BANP: variants seen among roughly 807,000 people sequenced by gnomAD.
BANP encodes the protein BTG3 associated nuclear protein.
BANP carries 11 observed loss-of-function variants against 68.1 expected under a neutral mutation model. That is an observed-to-expected ratio of 0.16 (90% CI 0.10 to 0.27). BANP has a LOEUF of 0.27. Ranked by LOEUF, BANP falls within the 10% of genes least tolerant of loss-of-function variation. The pLI is 1.00. For synonymous variants in BANP, 329 were observed against 303.2 expected, an observed-to-expected ratio of 1.09 and a Z score of -0.88; for missense variants, 504 against 722.7, an observed-to-expected ratio of 0.70 and a Z score of 3.47.
intron 1 of BANP, among the ~76,000 whole-genome samples, chr16:87,967,875 C>G (rs570429445): frequency 6.6e-6 from 1 of 152,012 alleles, no homozygotes; most frequent in African/African-American, 2.4e-5. Flanking sequence ...CCCGCCTTGG[C>G]CCCCCAAAGT....
intron 4 of BANP, among the ~76,000 whole-genome samples, chr16:87,985,076 G>A (rs914885306): frequency 2.6e-5 from 4 of 152,214 alleles, no homozygotes; most frequent in African/African-American, 4.8e-5. Context: ...AATGGGAGCC[G>A]CAACAAGCCT....
intron 4 of BANP, among the ~76,000 whole-genome samples, chr16:87,993,783 TACAG>T (rs2066485483): frequency 6.6e-6 from 1 of 152,146 alleles, no homozygotes; most frequent in South Asian, 2.1e-4. Flanking sequence ...GTATTTATAT[TACAG>T]ACGGGGTTTC....
intron 13 of BANP, among the ~76,000 whole-genome samples, chr16:88,076,346 G>GGGGGCGGGCCGGGGCCGGGGCC (rs149305634): frequency 5.3e-5 from 8 of 151,898 alleles, no homozygotes; most frequent in Admixed American, 2.0e-4. Context: ...AGTCCATGTC[G>GGGGGCGGGCCGGGGCCGGGGCC]GGGGCGGGCC....
intron 1 of BANP, among the ~76,000 whole-genome samples, chr16:87,974,334 C>T (rs1161985639): frequency 6.6e-6 from 1 of 152,140 alleles, no homozygotes; most frequent in Non-Finnish European, 1.5e-5. Flanking sequence ...GAGGAAAGCC[C>T]CTGACTGTGT....
At chr16:88,029,269 C>G (rs1209735584) in intron 8 of BANP, among the ~76,000 whole-genome samples, 1 of 139,296 alleles carries the variant, frequency 7.2e-6, no homozygotes, top group Non-Finnish European at 1.5e-5. Flanking sequence ...ACTATGCCAC[C>G]ACACTGTAGC....
chr16:88,015,065 C>T (rs533968456), intron 6 of BANP, among the ~76,000 whole-genome samples: 22 of 145,390 alleles, frequency 1.5e-4, no homozygotes, highest in Non-Finnish European at 2.7e-4. Flanking sequence ...TCAGCTCATG[C>T]CCTCTGCTCG....
In BANP at chr16:88,048,834, A is replaced by G. The variant is rs529105503; in HGVS notation, c.1311+10823A>G. Among the ~76,000 whole-genome samples the G allele has an allele frequency of 4.6e-5, 7 of 152,314 alleles. No individual in the cohort carries two copies. In the East Asian group the frequency reaches 1.2e-3, roughly 25 times the overall value. On this transcript the variant is annotated intron_variant, in intron 11 of 13. Transcript: ENST00000682872. Reference sequence around the variant, plus strand: ...AGATTAAAGAAAGGACATCGATTCTAACAGTGTTCTCGGTATCGAATTGGC... The same window carrying G: ...AGATTAAAGAAAGGACATCGATTCTGACAGTGTTCTCGGTATCGAATTGGC...
chr16:87,978,616 T>C (rs192955949), intron 2 of BANP: 1 of 470,220 alleles, frequency 2.1e-6, no homozygotes, highest in Admixed American at 2.3e-5. Context: ...TGAGGAGTCA[T>C]GAGGCCGAAG....
intron 6 of BANP, among the ~76,000 whole-genome samples, chr16:88,012,120 C>G (rs7202120): frequency 0.083 from 12,593 of 152,294 alleles, 903 homozygotes; most frequent in African/African-American, 0.2. Context: ...TTCTTATTCT[C>G]TACCTTGAAT....
Position 87,975,146 on chromosome 16 carries a change from G to T in BANP, c.31G>T (p.Val11Phe). The T allele has an allele frequency of 6.2e-7, 1 of 1,614,172 alleles. No homozygotes were observed. Among genetic ancestry groups the T allele is most frequent in the Non-Finnish European group, 8.5e-7 (1 of 1,180,020 alleles). ...GTCGGAACACGACCTGGCCGATGTG[G>T]TTCAGATTGCAGTGGAAGACCTGAG... Reference protein sequence around the residue: MMSEHDLADVVQIAVEDLSPD... With the variant: MMSEHDLADVFQIAVEDLSPD... The change falls in exon 2 of 14, where the codon GTT becomes TTT. Residue 11 changes from valine to phenylalanine, a missense_variant. This residue lies in a region of BANP where 238 missense variants were observed against 278.9 expected (regional missense o/e 0.85). Transcript: ENST00000682872.
chr16:88,061,392 T>C (rs1244244510), intron 11 of BANP, among the ~76,000 whole-genome samples: 1 of 152,262 alleles, frequency 6.6e-6, no homozygotes, highest in Non-Finnish European at 1.5e-5. Context: ...GTGTGCTGTT[T>C]CTTTTTCTCC....
intron 1 of BANP, among the ~76,000 whole-genome samples, chr16:87,954,391 A>G (rs554299765): frequency 6.6e-6 from 1 of 152,182 alleles, no homozygotes; most frequent in Admixed American, 6.5e-5. Flanking sequence ...ATGTCACTTA[A>G]AAAAAGTGTT....
intron 6 of BANP, among the ~76,000 whole-genome samples, chr16:88,013,439 A>G (rs1436165449): frequency 6.7e-6 from 1 of 148,182 alleles, no homozygotes; most frequent in Non-Finnish European, 1.5e-5. Context: ...CCTGCCTGAC[A>G]GGACGGGCCC....
intron 12 of BANP, among the ~76,000 whole-genome samples, chr16:88,068,390 A>G (rs920187643): frequency 1.3e-5 from 2 of 152,308 alleles, no homozygotes; most frequent in Non-Finnish European, 2.9e-5. Flanking sequence ...CGCGCAGACC[A>G]TTGCCTGGTG....
At chr16:88,012,468 G>C (rs2073411224) in intron 6 of BANP, among the ~76,000 whole-genome samples, 1 of 152,174 alleles carries the variant, frequency 6.6e-6, no homozygotes, top group Admixed American at 6.5e-5. Context: ...TTGTGTTGTG[G>C]AACGTAACAC....
chr16:88,053,442 T>C (rs1598909804), intron 11 of BANP, among the ~76,000 whole-genome samples: 1 of 127,324 alleles, frequency 7.9e-6, no homozygotes. Flanking sequence ...CCTCTACCAC[T>C]GTCATCTCCA....
At chr16:87,979,855 C>T (rs1567646874) in intron 2 of BANP, among the ~76,000 whole-genome samples, 1 of 152,156 alleles carries the variant, frequency 6.6e-6, no homozygotes. Context: ...GTCCCAGCTA[C>T]TTGGGCTGAG....
chr16:87,979,445 AG>A (rs1188035278), intron 2 of BANP, among the ~76,000 whole-genome samples: 1 of 152,134 alleles, frequency 6.6e-6, no homozygotes, highest in African/African-American at 2.4e-5. Flanking sequence ...AGGCCCTTCC[AG>A]GAACGGCTTC....
intron 11 of BANP, among the ~76,000 whole-genome samples, chr16:88,060,738 TC>T (rs2086516903): frequency 6.6e-6 from 1 of 152,080 alleles, no homozygotes; most frequent in South Asian, 2.1e-4. Context: ...CCGGCCGGGC[TC>T]CCCGACCTGC....
Sources: gnomAD v4.1 joint callset for allele counts (sites outside exome capture counted in the v4.1 genomes callset) on GRCh38, gnomAD v4.1.1 for gene constraint, gnomAD v4.1.1 regional missense constraint, MANE v1.5 for transcripts, NCBI Gene and HGNC (gene_info 2026-07-23, HGNC 2026-07-21) for gene names.